The following CEP350 variants were observed in gnomAD, a reference collection of about 807,000 sequenced individuals.
CEP350 encodes the protein centrosome-associated protein 350.
Under a neutral mutation model 331.8 loss-of-function variants are expected in CEP350, and 126 were observed. The ratio of observed to expected loss-of-function variants is 0.38; its 90% CI spans 0.33 to 0.44. The LOEUF (loss-of-function observed/expected upper bound fraction) is 0.44, where lower values mean the gene tolerates loss of function less well. Among genes scored for constraint, CEP350 ranks in the 20% least tolerant of loss-of-function variants. The pLI is 1.00. For synonymous variants in CEP350, 1,200 were observed against 1,259.5 expected, an observed-to-expected ratio of 0.95 and a Z score of 1.00; for missense variants, 3,406 against 3,634.6, an observed-to-expected ratio of 0.94 and a Z score of 1.62.
chr1:180,086,937 A>G (rs900349401), intron 31 of CEP350, among the ~76,000 whole-genome samples: 3 of 152,194 alleles, frequency 2.0e-5, no homozygotes, highest in Admixed American at 6.5e-5. Context: ...TACAGTGTTG[A>G]ACAAAACACT....
chr1:180,066,465 A>T (rs1012192986), intron 27 of CEP350, among the ~76,000 whole-genome samples: 1 of 152,196 alleles, frequency 6.6e-6, no homozygotes, highest in Non-Finnish European at 1.5e-5. Flanking sequence ...TGTTAAATCA[A>T]TCTGTGATTT....
At chr1:180,010,549 C>T (rs1172556009) in intron 8 of CEP350, among the ~76,000 whole-genome samples, 2 of 151,222 alleles carry the variant, frequency 1.3e-5, no homozygotes. Flanking sequence ...TGAAGTGCTA[C>T]TACATTATTT....
intron 10 of CEP350, among the ~76,000 whole-genome samples, chr1:180,015,081 C>G (rs751884848): frequency 6.6e-6 from 1 of 152,038 alleles, no homozygotes; most frequent in Non-Finnish European, 1.5e-5. Flanking sequence ...TCCTCGTCAT[C>G]TTCATGTTGA....
In CEP350 at chr1:180,020,741, T is replaced by A; in HGVS notation, c.2967T>A (p.Ser989Arg). ...IDSVSEGPLL[S>R]EGSLSEEEGD... ...CAGTCAGTGAAGGGCCTCTTCTTAG[T>A]GAGGGGAGTCTCTCTGAAGAAGAGG... The change falls in exon 12 of 38, where the codon AGT becomes AGA. Residue 989 changes from serine to arginine, a missense_variant. By Grantham distance (110) the Ser-to-Arg change is moderately radical (BLOSUM62 -1). This residue lies in a region of CEP350 where 1,857 missense variants were observed against 1,909.2 expected (regional missense o/e 0.97). Transcript: ENST00000367607. The A allele has an allele frequency of 6.2e-7, 1 of 1,613,968 alleles. No homozygotes were observed. Among genetic ancestry groups the A allele is most frequent in the Non-Finnish European group, 8.5e-7 (1 of 1,179,884 alleles).
chr1:180,023,774 A>G (rs1246233772), intron 13 of CEP350, among the ~76,000 whole-genome samples: 1 of 152,212 alleles, frequency 6.6e-6, no homozygotes, highest in African/African-American at 2.4e-5. Context: ...TTTTCTCCCT[A>G]TATTTAGCTG....
rs1661518373 is a variant in CEP350 at position 180,112,696 on chromosome 1, T to C, written c.*1535T>C. On this transcript the variant is annotated 3_prime_UTR_variant, in exon 38 of 38. Transcript: ENST00000367607. ...ACTGGATTCATATTTACAAATATCCTGGAATGTTATAGCTTCAAAGTATAT... is the reference window on the plus strand; with the variant it reads ...ACTGGATTCATATTTACAAATATCCCGGAATGTTATAGCTTCAAAGTATAT... The C allele has an allele frequency of 6.6e-6, 1 of 152,662 alleles. No homozygotes were observed. Among genetic ancestry groups the C allele is most frequent in the African/African-American group, 2.4e-5 (1 of 41,460 alleles). The allele number at this position is 152,662 out of a possible 1,614,324, so 9.5% of individuals were successfully genotyped here.
intron 22 of CEP350, among the ~76,000 whole-genome samples, chr1:180,049,010 G>T (rs1657308942): frequency 6.6e-6 from 1 of 152,162 alleles, no homozygotes; most frequent in Admixed American, 6.5e-5. Flanking sequence ...CAAGTCTACA[G>T]TGAGCTATGA....
chr1:180,080,899 A>G (rs1398972083), intron 30 of CEP350, among the ~76,000 whole-genome samples: 9 of 152,160 alleles, frequency 5.9e-5, no homozygotes, highest in Admixed American at 1.3e-4. Flanking sequence ...TCACTGTGTC[A>G]CTCAGGCTGG....
chr1:180,041,527 A>T, intron 18 of CEP350, 135 bp from the exon 19 acceptor site: 1 of 912,618 alleles, frequency 1.1e-6, no homozygotes, highest in Non-Finnish European at 1.6e-6. Flanking sequence ...GTTAAGACTT[A>T]AACCATGAAA....
At chr1:180,045,505 T>A (rs1657062839) in intron 21 of CEP350, among the ~76,000 whole-genome samples, 1 of 152,172 alleles carries the variant, frequency 6.6e-6, no homozygotes, top group African/African-American at 2.4e-5. Flanking sequence ...AAAACCCCAA[T>A]TTAAAAAATT....
At chr1:180,108,375 T>A (rs1185063805) in intron 37 of CEP350, among the ~76,000 whole-genome samples, 1 of 152,200 alleles carries the variant, frequency 6.6e-6, no homozygotes, top group African/African-American at 2.4e-5. Flanking sequence ...GGCTCATGCC[T>A]GTAATCCCAG....
chr1:179,999,440 T>C (rs1653710758), intron 6 of CEP350, among the ~76,000 whole-genome samples: 3 of 152,256 alleles, frequency 2.0e-5, no homozygotes, highest in Admixed American at 6.5e-5. Flanking sequence ...TGAGAACTCA[T>C]TATAGAATAT....
At chr1:180,109,330 G>A (rs548939752) in intron 37 of CEP350, among the ~76,000 whole-genome samples, 5 of 152,190 alleles carry the variant, frequency 3.3e-5, no homozygotes, top group Non-Finnish European at 7.4e-5. Flanking sequence ...ACATTGGTCA[G>A]GGTGGTCTTG....
chr1:179,988,674 T>C (rs1458094244), intron 3 of CEP350, among the ~76,000 whole-genome samples: 1 of 151,916 alleles, frequency 6.6e-6, no homozygotes, highest in African/African-American at 2.4e-5. Context: ...GGAAACCCTT[T>C]TTTTTTTTTA....
chr1:179,954,966 C>T lies in CEP350; in HGVS notation c.-190C>T. 1.7e-6 allele frequency: 2 copies of T among 1,174,040 alleles called. No homozygotes were observed. Among genetic ancestry groups the T allele is most frequent in the Non-Finnish European group, 2.2e-6 (2 of 906,176 alleles). The allele number at this position is 1,174,040 out of a possible 1,614,324, so 72.7% of individuals were successfully genotyped here. A position where few individuals can be genotyped will look rare whatever the true frequency, so the allele number is the denominator to read the frequency against. On this transcript the variant is annotated 5_prime_UTR_variant, in exon 1 of 38. Transcript: ENST00000367607. ...GGAGGCAGCCTTTCCGCCTTGTCTT[C>T]CTTCCCAGCGGACCGGCGGATCCCC...
intron 34 of CEP350, 121 bp downstream of exon 34, chr1:180,094,737 C>T (rs980058515): frequency 2.9e-5 from 31 of 1,085,778 alleles, no homozygotes; most frequent in Admixed American, 8.7e-5. Flanking sequence ...TTTCCCTTGA[C>T]GTGTTGTTTA....
chr1:180,101,355 C>G (rs956090110), intron 37 of CEP350, among the ~76,000 whole-genome samples: 2 of 151,936 alleles, frequency 1.3e-5, no homozygotes, highest in African/African-American at 2.4e-5. Flanking sequence ...GCTAAATGAA[C>G]TAGTCTCCTC....
intron 11 of CEP350, among the ~76,000 whole-genome samples, chr1:180,017,230 G>T (rs1198322696): frequency 1.3e-5 from 2 of 152,148 alleles, no homozygotes; most frequent in African/African-American, 4.8e-5. Context: ...CTAGAAGCCT[G>T]TGCTTTAACT....
chr1:180,042,843 G>A (rs1213867944), intron 19 of CEP350, among the ~76,000 whole-genome samples: 3 of 152,220 alleles, frequency 2.0e-5, no homozygotes, highest in East Asian at 1.9e-4. Context: ...GGGTGAAACC[G>A]TAGAAATCAT....
Sources: allele counts gnomAD v4.1 joint callset (sites outside exome capture counted in the v4.1 genomes callset), GRCh38; gene constraint gnomAD v4.1.1; regional missense constraint gnomAD v4.1.1; transcripts MANE v1.5; gene names NCBI Gene and HGNC (gene_info 2026-07-23, HGNC 2026-07-21).